The following PDE11A variants were observed in gnomAD, a reference collection of about 807,000 sequenced individuals.
The protein encoded by PDE11A is dual 3',5'-cyclic-AMP and -GMP phosphodiesterase 11A.
PDE11A carries 100 observed loss-of-function variants against 100.5 expected under a neutral mutation model. The observed-to-expected ratio is 1.00, with a 90% confidence interval of 0.85 to 1.18. The LOEUF is 1.18. PDE11A is among the 50% of genes most tolerant of loss of function. The pLI is 0.00. For missense variants in PDE11A, 1,141 were observed against 1,152.6 expected (o/e 0.99, Z 0.15); for synonymous variants, 381 against 420.8 (o/e 0.91, Z 1.16).
intron 2 of PDE11A, among the ~76,000 whole-genome samples, chr2:178,100,826 T>C (rs1574398914): frequency 6.6e-6 from 1 of 152,190 alleles, no homozygotes; most frequent in African/African-American, 2.4e-5. Flanking sequence ...TATTGAGGAA[T>C]AAATTCCTCA....
At chr2:178,049,225 G>A (rs1161265232) in intron 1 of PDE11A, among the ~76,000 whole-genome samples, 1 of 152,242 alleles carries the variant, frequency 6.6e-6, no homozygotes, top group African/African-American at 2.4e-5. Flanking sequence ...TGGTAGTAGA[G>A]TTGGAGAAAA....
chr2:177,643,485 A>G (rs1295900026), intron 19 of PDE11A, among the ~76,000 whole-genome samples: 1 of 152,220 alleles, frequency 6.6e-6, no homozygotes, highest in African/African-American at 2.4e-5. Flanking sequence ...TACCTGGCGG[A>G]AGAAATTTCT....
intron 2 of PDE11A, among the ~76,000 whole-genome samples, chr2:177,942,713 ATTG>A (rs1470165588): frequency 6.6e-6 from 1 of 152,140 alleles, no homozygotes; most frequent in Non-Finnish European, 1.5e-5. Context: ...AAATTTTTTA[ATTG>A]TTGTAAAAAA....
At chr2:178,094,990 G>T (rs1166590333) in intron 2 of PDE11A, among the ~76,000 whole-genome samples, 1 of 152,152 alleles carries the variant, frequency 6.6e-6, no homozygotes, top group Non-Finnish European at 1.5e-5. Context: ...AGATTATGGG[G>T]ATTGCAATTC....
intron 1 of PDE11A, among the ~76,000 whole-genome samples, chr2:178,043,764 A>G (rs2086711926): frequency 6.6e-6 from 1 of 152,192 alleles, no homozygotes; most frequent in African/African-American, 2.4e-5. Context: ...AGTGGATACT[A>G]TTCGCCCCAT....
intron 1 of PDE11A, among the ~76,000 whole-genome samples, chr2:178,029,846 T>C (rs1330464408): frequency 1.3e-5 from 2 of 152,208 alleles, no homozygotes; most frequent in African/African-American, 4.8e-5. Flanking sequence ...CCCTCATGAA[T>C]ACACTCATAC....
chr2:177,946,014 C>G (rs1451410303), intron 2 of PDE11A, among the ~76,000 whole-genome samples: 2 of 148,868 alleles, frequency 1.3e-5, no homozygotes, highest in African/African-American at 5.0e-5. Flanking sequence ...GGGGGTCAGC[C>G]CCCCCACCCG....
At chr2:177,888,623 T>G (rs1358213572) in intron 4 of PDE11A, 5 of 646,600 alleles carry the variant, frequency 7.7e-6, no homozygotes, top group Non-Finnish European at 9.6e-6. Context: ...ATATACCTGT[T>G]GAGAGAGGCA....
intron 1 of PDE11A, among the ~76,000 whole-genome samples, chr2:178,022,517 G>T (rs1283502262): frequency 1.3e-5 from 2 of 152,006 alleles, no homozygotes; most frequent in Non-Finnish European, 2.9e-5. Context: ...GACTTGAAAT[G>T]GAAAGTAAAA....
intron 19 of PDE11A, among the ~76,000 whole-genome samples, chr2:177,656,399 G>A (rs2080384410): frequency 6.6e-6 from 1 of 152,204 alleles, no homozygotes; most frequent in Non-Finnish European, 1.5e-5. Flanking sequence ...GTACAATATA[G>A]GTTTGTGTAA....
At chr2:177,960,862 T>C (rs1282498176) in intron 2 of PDE11A, among the ~76,000 whole-genome samples, 1 of 152,160 alleles carries the variant, frequency 6.6e-6, no homozygotes, top group Admixed American at 6.5e-5. Flanking sequence ...TATGGATCCA[T>C]ACATATCCTA....
At chr2:177,732,939 C>A (rs965571803) in intron 10 of PDE11A, among the ~76,000 whole-genome samples, 1 of 152,132 alleles carries the variant, frequency 6.6e-6, no homozygotes, top group African/African-American at 2.4e-5. Flanking sequence ...TTGCTGGGTT[C>A]AAGGGCAGGT....
intron 9 of PDE11A, among the ~76,000 whole-genome samples, chr2:177,795,505 A>G (rs1444569873): frequency 6.6e-6 from 1 of 152,082 alleles, no homozygotes; most frequent in African/African-American, 2.4e-5. Context: ...TGTCACACAC[A>G]CACATTTAGG....
intron 19 of PDE11A, among the ~76,000 whole-genome samples, chr2:177,650,630 T>A (rs992284710): frequency 6.6e-6 from 1 of 152,234 alleles, no homozygotes; most frequent in East Asian, 1.9e-4. Context: ...GATTTCCTTT[T>A]AAAATTTTTT....
At chr2:177,753,205 C>T (rs1298220252) in intron 10 of PDE11A, among the ~76,000 whole-genome samples, 2 of 152,096 alleles carry the variant, frequency 1.3e-5, no homozygotes, top group African/African-American at 4.8e-5. Flanking sequence ...CAACATGTAG[C>T]CTGAAGTGCT....
intron 2 of PDE11A, among the ~76,000 whole-genome samples, chr2:178,013,305 A>T (rs2086293782): frequency 6.6e-6 from 1 of 152,162 alleles, no homozygotes; most frequent in Non-Finnish European, 1.5e-5. Flanking sequence ...ATTTTACTTC[A>T]TTGTAAGAAA....
intron 5 of PDE11A, among the ~76,000 whole-genome samples, chr2:177,863,212 A>C (rs917627846): frequency 6.6e-6 from 1 of 151,954 alleles, no homozygotes; most frequent in African/African-American, 2.4e-5. Context: ...ATATAAGACC[A>C]AAAACTATAA....
chr2:177,851,787 G>C (rs965756263), intron 5 of PDE11A, among the ~76,000 whole-genome samples: 16 of 151,992 alleles, frequency 1.1e-4, no homozygotes, highest in African/African-American at 3.9e-4. Flanking sequence ...GGGCATGCAG[G>C]TTTGTTACAT....
At chr2:177,929,124 T>C (rs2085171715) in intron 2 of PDE11A, among the ~76,000 whole-genome samples, 1 of 152,108 alleles carries the variant, frequency 6.6e-6, no homozygotes, top group Non-Finnish European at 1.5e-5. Flanking sequence ...CTGCAAGTGC[T>C]CCCAGCCTGG....
Sources: allele counts gnomAD v4.1 joint callset (sites outside exome capture counted in the v4.1 genomes callset), GRCh38; gene constraint gnomAD v4.1.1; transcripts MANE v1.5; gene names NCBI Gene and HGNC (gene_info 2026-07-23, HGNC 2026-07-21).